SAR1B: variants seen among roughly 807,000 people sequenced by gnomAD.
The protein encoded by SAR1B is secretion associated Ras related GTPase 1B.
In SAR1B, 23 loss-of-function variants were observed where a neutral mutation model predicts 26.8. The ratio of observed to expected loss-of-function variants is 0.86; its 90% CI spans 0.62 to 1.22. The LOEUF (loss-of-function observed/expected upper bound fraction) is 1.22. Ranked by LOEUF, SAR1B falls within the 50% of genes most tolerant of loss-of-function variation. SAR1B has a pLI of 0.00. For synonymous variants in SAR1B, 65 were observed against 80.8 expected (o/e 0.80, Z 1.05); for missense variants, 196 against 232.8 (o/e 0.84, Z 1.03).
chr5:134,623,121 C>CA (rs70976543), intron 2 of SAR1B, among the ~76,000 whole-genome samples: 72,196 of 113,568 alleles, frequency 0.64, 22,465 homozygotes, highest in Non-Finnish European at 0.73. Flanking sequence ...GACTCTGTCT[C>CA]AAAAAAAAAA....
rs1765095370 is a variant in SAR1B at position 134,604,333 on chromosome 5, C to T, written c.*2617G>A. ...GTGGGACACACAATTAGCCTATGTCCCCAGTACTAGTATTTACCTGGGAAA... is the reference window on the plus strand; with the variant it reads ...GTGGGACACACAATTAGCCTATGTCTCCAGTACTAGTATTTACCTGGGAAA... On this transcript the variant is annotated 3_prime_UTR_variant, in exon 7 of 7. Transcript: ENST00000402673. 6.6e-6 allele frequency: 1 copy of T among 152,184 alleles called. No individual in the cohort carries two copies. The highest frequency in any genetic ancestry group is 2.1e-4 in the South Asian group (1 of 4,828). The allele number at this position is 152,184 out of a possible 1,614,324, so 9.4% of individuals were successfully genotyped here. A position where few individuals can be genotyped will look rare whatever the true frequency, so the allele number is the denominator to read the frequency against.
chr5:134,618,617 TG>T (rs1765351568), intron 3 of SAR1B, among the ~76,000 whole-genome samples: 1 of 152,242 alleles, frequency 6.6e-6, no homozygotes. Context: ...ATTAGGTTTC[TG>T]TTTCTAATAA....
chr5:134,608,316 A>C, intron 6 of SAR1B, 56 bp downstream of exon 6: 3 of 1,487,416 alleles, frequency 2.0e-6, no homozygotes, highest in Non-Finnish European at 2.7e-6. Flanking sequence ...TAATTTAAGA[A>C]GACATTTGTA....
chr5:134,615,958 G>A (rs1765306695), intron 3 of SAR1B, among the ~76,000 whole-genome samples: 1 of 151,786 alleles, frequency 6.6e-6, no homozygotes, highest in Admixed American at 6.6e-5. Flanking sequence ...TGGCCAATGT[G>A]GTGAAACCCC....
intron 1 of SAR1B, among the ~76,000 whole-genome samples, chr5:134,630,167 T>C (rs754443277): frequency 4.0e-5 from 6 of 151,036 alleles, no homozygotes; most frequent in African/African-American, 7.3e-5. Context: ...ACGAAATGAG[T>C]GTAGAAGGCT....
chr5:134,609,762 C>T (rs1157511466), intron 4 of SAR1B, 88 bp from the exon 5 acceptor site: 9 of 960,340 alleles, frequency 9.4e-6, no homozygotes, highest in East Asian at 2.5e-5. Context: ...ATATCAAGTG[C>T]GGTAATCCCT....
At chr5:134,609,981 A>G (rs560276676) in intron 4 of SAR1B, among the ~76,000 whole-genome samples, 2 of 151,512 alleles carry the variant, frequency 1.3e-5, no homozygotes, top group African/African-American at 2.4e-5. Context: ...TCATTGGAGG[A>G]CTGCTACTAG....
At chr5:134,624,606 A>T (rs1454892242) in intron 1 of SAR1B, among the ~76,000 whole-genome samples, 1 of 150,962 alleles carries the variant, frequency 6.6e-6, no homozygotes, top group Non-Finnish European at 1.5e-5. Flanking sequence ...AAATGTTGGA[A>T]ATGGGATAAG....
chr5:134,610,168 G>A (rs1282209332), intron 4 of SAR1B, among the ~76,000 whole-genome samples: 1 of 151,886 alleles, frequency 6.6e-6, no homozygotes, highest in Non-Finnish European at 1.5e-5. Flanking sequence ...TCAGGTACAA[G>A]CTTGTTAAAA....
Position 134,605,409 on chromosome 5 carries a change from A to G in SAR1B, c.*1541T>C, listed in dbSNP as rs1765108780. ...TCTCAAACATATAAAAAAAGAATTC[A>G]GTTTCTTAGGAAATTATAATGCTTT... is the stretch of plus-strand genomic sequence containing the variant. On this transcript the variant is annotated 3_prime_UTR_variant, in exon 7 of 7. Coordinates refer to ENST00000402673, the MANE Select transcript of SAR1B (RefSeq NM_016103.4). 1 of 152,162 alleles carries G rather than the reference A, an allele frequency of 6.6e-6. No individual in the cohort carries two copies. The highest frequency in any genetic ancestry group is 1.5e-5 in the Non-Finnish European group (1 of 68,022). 9.4% of individuals were successfully genotyped at this position (152,162 alleles called of 1,614,324 possible). A position where few individuals can be genotyped will look rare whatever the true frequency, so the allele number is the denominator to read the frequency against.
rs75474628 is a variant in SAR1B at position 134,611,749 on chromosome 5, G to A, written c.244+942C>T. Among the ~76,000 whole-genome samples, 22 of 152,260 alleles carry A rather than the reference G, an allele frequency of 1.4e-4. No homozygotes were observed. The East Asian group carries it at 4.2e-3, about 29-fold the overall frequency. ...CAAGGGAGGTAGCAGGGCATACGCT[G>A]GGGCCTAAAGGGGTTACTCATGTGC... On this transcript the variant is annotated intron_variant, in intron 4 of 6. Coordinates refer to ENST00000402673, the MANE Select transcript of SAR1B (RefSeq NM_016103.4).
In SAR1B at chr5:134,612,684, A is replaced by AAATAAAAT; in HGVS notation, c.244+6_244+7insATTTTATT. Reference sequence around the variant, plus strand: ...AAAAAAAAAAAAAAAAAAAAAAAGAATCTTACCTTGAACATGTCCACCCAG... The same window carrying AAATAAAAT: ...AAAAAAAAAAAAAAAAAAAAAAAGAAAATAAAATTCTTACCTTGAACATGTCCACCCAG... On this transcript the variant is annotated splice_region_variant and intron_variant, in intron 4 of 6. Transcript: ENST00000402673. 6 of 1,017,720 alleles carry AAATAAAAT rather than the reference A, an allele frequency of 5.9e-6. No homozygotes were observed. Among genetic ancestry groups the AAATAAAAT allele is most frequent in the Non-Finnish European group, 8.4e-6 (6 of 711,278 alleles). The allele number at this position is 1,017,720 out of a possible 1,614,324, so 63.0% of individuals were successfully genotyped here.
chr5:134,620,598 C>T (rs1765389038), intron 3 of SAR1B, among the ~76,000 whole-genome samples: 2 of 152,156 alleles, frequency 1.3e-5, no homozygotes, highest in South Asian at 2.1e-4. Flanking sequence ...CAGTGGCTCA[C>T]GCCTGTAATC....
chr5:134,602,131 T>C lies in SAR1B; in HGVS notation c.*4819A>G, dbSNP rs2150047343. 1 of 152,350 alleles carries C rather than the reference T, an allele frequency of 6.6e-6. No individual in the cohort carries two copies. 9.4% of individuals were successfully genotyped at this position (152,350 alleles called of 1,614,324 possible). A position where few individuals can be genotyped will look rare whatever the true frequency, so the allele number is the denominator to read the frequency against. On this transcript the variant is annotated 3_prime_UTR_variant, in exon 7 of 7. Coordinates refer to ENST00000402673, the MANE Select transcript of SAR1B (RefSeq NM_016103.4). ...AAATAGTTCTGTGTAAACTCAGTTT[T>C]CTATTTCTGCCCTAAAATCTATTTG...
chr5:134,609,729 G>T, intron 4 of SAR1B, 55 bp from the exon 5 acceptor site: 1 of 1,408,082 alleles, frequency 7.1e-7, no homozygotes, highest in Non-Finnish European at 1.0e-6. Context: ...CCAGCAGATG[G>T]TTTAAGCAAA....
intron 3 of SAR1B, among the ~76,000 whole-genome samples, chr5:134,617,047 A>G (rs1471755522): frequency 6.6e-6 from 1 of 152,142 alleles, no homozygotes. Flanking sequence ...CCTAAGCAAC[A>G]TGGTGAAACC....
chr5:134,621,037 G>A lies in SAR1B; in HGVS notation c.74C>T (p.Thr25Ile). Residue 25 changes from threonine to isoleucine, a missense_variant, in exon 3 of 7, where the codon ACT (threonine) becomes ATT (isoleucine). By Grantham distance (89) the Thr-to-Ile change is moderately conservative (BLOSUM62 -1). Transcript: ENST00000402673. Reference protein sequence around the residue: ...VLQFLGLYKKTGKLVFLGLDN... With the variant: ...VLQFLGLYKKIGKLVFLGLDN... Reference sequence around the variant, plus strand: ...CAATCCAAGAAATACCAGTTTACCAGTTTTCTTATATAATCCTGCAAAGCA... The same window carrying A: ...CAATCCAAGAAATACCAGTTTACCAATTTTCTTATATAATCCTGCAAAGCA... The A allele has an allele frequency of 6.2e-7, 1 of 1,613,126 alleles. No homozygotes were observed. The highest frequency in any genetic ancestry group is 8.5e-7 in the Non-Finnish European group (1 of 1,179,174).
intron 1 of SAR1B, among the ~76,000 whole-genome samples, chr5:134,629,724 C>A (rs149471917): frequency 0.037 from 5,211 of 142,268 alleles, 135 homozygotes; most frequent in Admixed American, 0.079. Flanking sequence ...AACAAACAAA[C>A]AAAAAAAAAC....
At chr5:134,607,645 G>A (rs975540567) in intron 6 of SAR1B, among the ~76,000 whole-genome samples, 1 of 151,934 alleles carries the variant, frequency 6.6e-6, no homozygotes, top group Non-Finnish European at 1.5e-5. Flanking sequence ...GCTGGCACAC[G>A]CCTGTAATCC....
Sources: allele counts gnomAD v4.1 joint callset (sites outside exome capture counted in the v4.1 genomes callset), GRCh38; gene constraint gnomAD v4.1.1; transcripts MANE v1.5; gene names NCBI Gene and HGNC (gene_info 2026-07-23, HGNC 2026-07-21).